The following CNR1 variants were observed in gnomAD, a reference collection of about 807,000 sequenced individuals.
CNR1 encodes cannabinoid receptor 1.
Under a neutral mutation model 23.0 loss-of-function variants are expected in CNR1, and 10 were observed. The ratio of observed to expected loss-of-function variants is 0.43; its 90% CI spans 0.27 to 0.74. The LOEUF (loss-of-function observed/expected upper bound fraction) is 0.74. CNR1 is among the 30% of genes least tolerant of loss of function. CNR1 has a pLI of 0.19. For synonymous variants in CNR1, 271 were observed against 255.2 expected, an observed-to-expected ratio of 1.06 and a Z score of -0.59; for missense variants, 422 against 618.8, an observed-to-expected ratio of 0.68 and a Z score of 3.37.
intron 1 of CNR1, among the ~76,000 whole-genome samples, chr6:88,159,034 A>C (rs1287368523): frequency 6.6e-6 from 1 of 152,170 alleles, no homozygotes; most frequent in African/African-American, 2.4e-5. Context: ...TGTAATGTGT[A>C]CTGATATAAT....
chr6:88,153,136 C>G (rs1394424248), intron 1 of CNR1, among the ~76,000 whole-genome samples: 1 of 152,076 alleles, frequency 6.6e-6, no homozygotes, highest in Non-Finnish European at 1.5e-5. Flanking sequence ...AAAAATCACT[C>G]CAATTTTTAG....
At position 88,166,319 on chromosome 6, in the gene CNR1, C is replaced by T. The variant is rs1778369561; in HGVS notation, c.-580G>A. ...TCGCCTCGTCCCGCTCGCGCAGTCC[C>T]TGCCGCTCCCTCCGCTCGCGCTGTC... On this transcript the variant is annotated 5_prime_UTR_variant, in exon 1 of 2. Transcript: ENST00000369501. The T allele has an allele frequency of 6.6e-6, 1 of 152,408 alleles. No individual in the cohort carries two copies. The highest frequency in any genetic ancestry group is 1.5e-5 in the Non-Finnish European group (1 of 68,238). The allele number at this position is 152,408 out of a possible 1,614,324, so 9.4% of individuals were successfully genotyped here. A position where few individuals can be genotyped will look rare whatever the true frequency, so the allele number is the denominator to read the frequency against.
intron 1 of CNR1, among the ~76,000 whole-genome samples, chr6:88,147,511 G>A (rs940752540): frequency 6.6e-6 from 1 of 152,130 alleles, no homozygotes. Flanking sequence ...CTGTAGGTGG[G>A]GACAGGACAC....
In CNR1 at chr6:88,144,018, C is replaced by T. The variant is rs998808637; in HGVS notation, c.1257G>A (p.Ala419=). 29 of 1,614,032 alleles carry T rather than the reference C, an allele frequency of 1.8e-5. 1 individual carries two copies. The highest frequency in any genetic ancestry group is 3.3e-5 in the Admixed American group (2 of 59,996). Residue 419 remains alanine (A), a synonymous_variant, in exon 2 of 2, where the codon GCG becomes GCA. Transcript: ENST00000369501. This position sits in a 1 kb window ranked among gnomAD's most constrained non-coding sequence, Gnocchi z 7.8. ...RSMFPSCEGT[A]QPLDNSMGDS... is the part of the protein sequence containing the mutation. ...CCCCCATGCTGTTATCCAGAGGCTG[C>T]GCAGTGCCTTCACAAGAGGGAAACA...
intron 1 of CNR1, chr6:88,164,169 G>C (rs1347666671): frequency 6.6e-6 from 1 of 152,292 alleles, no homozygotes; most frequent in Non-Finnish European, 1.5e-5. Flanking sequence ...GGCCAGAATT[G>C]GGTATTTCCA....
chr6:88,143,021 A>G lies in CNR1; in HGVS notation c.*835T>C, dbSNP rs1373938323. 1 of 152,684 alleles carries G rather than the reference A, an allele frequency of 6.5e-6. No homozygotes were observed. The highest frequency in any genetic ancestry group is 1.5e-5 in the Non-Finnish European group (1 of 68,038). 9.5% of individuals were successfully genotyped at this position (152,684 alleles called of 1,614,324 possible). On this transcript the variant is annotated 3_prime_UTR_variant, in exon 2 of 2. Coordinates refer to ENST00000369501, the MANE Select transcript of CNR1 (RefSeq NM_016083.6). ...TAAAGAAAGTCAGAGATGTCGCTCA[A>G]AAAAAGTCAATATGCTTTCTCTCTT...
chr6:88,164,218 C>T (rs1215551006), intron 1 of CNR1: 1 of 152,340 alleles, frequency 6.6e-6, no homozygotes, highest in African/African-American at 2.4e-5. Flanking sequence ...CACTGAGAAA[C>T]ACAATGAGAC....
At chr6:88,153,515 A>T (rs1777639583) in intron 1 of CNR1, among the ~76,000 whole-genome samples, 1 of 152,194 alleles carries the variant, frequency 6.6e-6, no homozygotes, top group South Asian at 2.1e-4. Context: ...CATTGACAGG[A>T]GTCCAGGATG....
chr6:88,153,353 T>C (rs766669083), intron 1 of CNR1, among the ~76,000 whole-genome samples: 20 of 152,184 alleles, frequency 1.3e-4, no homozygotes, highest in Admixed American at 2.6e-4. Context: ...GGGTTTAAAA[T>C]GTCCATGTGT....
chr6:88,142,957 A>C lies in CNR1; in HGVS notation c.*899T>G, dbSNP rs1355122649. Reference sequence around the variant, plus strand: ...GTGATAACGATATACATTAAGATTAACACATGCTGTCTTAAGAGATCCAGT... The same window carrying C: ...GTGATAACGATATACATTAAGATTACCACATGCTGTCTTAAGAGATCCAGT... On this transcript the variant is annotated 3_prime_UTR_variant, in exon 2 of 2. Coordinates refer to ENST00000369501, the MANE Select transcript of CNR1 (RefSeq NM_016083.6). 6.5e-6 allele frequency: 1 copy of C among 152,820 alleles called. No homozygotes were observed. Among genetic ancestry groups the C allele is most frequent in the Non-Finnish European group, 1.5e-5 (1 of 68,052 alleles). The allele number at this position is 152,820 out of a possible 1,614,324, so 9.5% of individuals were successfully genotyped here.
At chr6:88,159,603 C>T (rs1263431445) in intron 1 of CNR1, among the ~76,000 whole-genome samples, 1 of 152,182 alleles carries the variant, frequency 6.6e-6, no homozygotes, top group African/African-American at 2.4e-5. Context: ...GTTTATAAGA[C>T]ATTAGATCTC....
chr6:88,147,746 T>TG (rs1777284012), intron 1 of CNR1: 3 of 152,422 alleles, frequency 2.0e-5, no homozygotes, highest in African/African-American at 7.2e-5. Context: ...CACACAGCTG[T>TG]GGGGGTAATC....
rs1777000105 is a variant in CNR1 at position 88,144,174 on chromosome 6, G to A, written c.1101C>T (p.Val367=). 5 of 1,613,754 alleles carry A rather than the reference G, an allele frequency of 3.1e-6. No individual in the cohort carries two copies. Among genetic ancestry groups the A allele is most frequent in the Middle Eastern group, 1.6e-4 (1 of 6,062 alleles). The change falls in exon 2 of 2, where the codon GTC becomes GTT. Residue 367 remains valine, a synonymous_variant. Transcript: ENST00000369501. This position sits in a 1 kb window ranked among gnomAD's most constrained non-coding sequence, Gnocchi z 7.8. ...TAATGAGCTTGTTCATCTTCCCAAA[G>A]ACATCATACACCATGATTGCAAGCA... The part of the protein sequence containing the change: ...GPLLAIMVYD[V]FGKMNKLIKT...
At chr6:88,164,674 T>C (rs1363787699) in intron 1 of CNR1, among the ~76,000 whole-genome samples, 1 of 152,174 alleles carries the variant, frequency 6.6e-6, no homozygotes, top group African/African-American at 2.4e-5. Flanking sequence ...AGCAACACTT[T>C]AAATCACATA....
intron 1 of CNR1, among the ~76,000 whole-genome samples, chr6:88,147,101 GC>G (rs1259464051): frequency 6.6e-6 from 1 of 151,974 alleles, no homozygotes; most frequent in Non-Finnish European, 1.5e-5. Context: ...GACCATCCTG[GC>G]CAACATGGTG....
At chr6:88,147,447 C>A (rs1454516520) in intron 1 of CNR1, among the ~76,000 whole-genome samples, 1 of 152,186 alleles carries the variant, frequency 6.6e-6, no homozygotes, top group Non-Finnish European at 1.5e-5. Context: ...GTCTAGAGGG[C>A]TGAAGGAGGT....
chr6:88,146,041 A>G (rs946445637), intron 1 of CNR1, among the ~76,000 whole-genome samples: 3 of 152,236 alleles, frequency 2.0e-5, no homozygotes, highest in Admixed American at 6.5e-5. Context: ...ACATCAACCA[A>G]GAAAAATGTC....
Position 88,142,678 on chromosome 6 carries a change from G to GT in CNR1, c.*1177dup, listed in dbSNP as rs754128473. 4.6e-5 allele frequency: 7 copies of GT among 152,628 alleles called. No homozygotes were observed. The highest frequency in any genetic ancestry group is 8.8e-5 in the Non-Finnish European group (6 of 68,032). 9.5% of individuals were successfully genotyped at this position (152,628 alleles called of 1,614,324 possible). ...TTAGAAACTGAATCCATGTGCAAGA[G>GT]TGCAGCAAGTGGTAAAAGTTTATAC... On this transcript the variant is annotated 3_prime_UTR_variant, in exon 2 of 2. Transcript: ENST00000369501.
chr6:88,151,979 A>G (rs6928813), intron 1 of CNR1, among the ~76,000 whole-genome samples: 31,029 of 152,080 alleles, frequency 0.2, 3,745 homozygotes, highest in African/African-American at 0.33. Flanking sequence ...ATGGATTTGC[A>G]GATGAATCGA....
Sources: allele counts gnomAD v4.1 joint callset (sites outside exome capture counted in the v4.1 genomes callset), GRCh38; gene constraint gnomAD v4.1.1; non-coding constraint Gnocchi (gnomAD v3.1); transcripts MANE v1.5; gene names NCBI Gene and HGNC (gene_info 2026-07-23, HGNC 2026-07-21).